The following UGT1A6 variants were observed in gnomAD, a reference collection of about 807,000 sequenced individuals.
UGT1A6 encodes UDP glucuronosyltransferase family 1 member A6.
A neutral mutation model predicts 44.4 loss-of-function variants in UGT1A6; 32 were observed. The observed-to-expected ratio is 0.72, with a 90% CI of 0.54 to 0.97. The LOEUF is 0.97. Ranked by LOEUF, UGT1A6 falls within the 50% of genes least tolerant of loss-of-function variation. The pLI, the probability that UGT1A6 is intolerant of heterozygous loss-of-function variation, is 0.00. For synonymous variants in UGT1A6, 238 were observed against 248.5 expected, an observed-to-expected ratio of 0.96 and a Z score of 0.40; for missense variants, 685 against 661.9, an observed-to-expected ratio of 1.03 and a Z score of -0.38.
chr2:233,712,339 T>C (rs545397552), intron 1 of UGT1A6, among the ~76,000 whole-genome samples: 1 of 152,174 alleles, frequency 6.6e-6, no homozygotes, highest in African/African-American at 2.4e-5. Context: ...AATCTGATCA[T>C]CACATCTTGA....
chr2:233,732,012 G>A (rs1045878291), intron 1 of UGT1A6, among the ~76,000 whole-genome samples: 10 of 152,206 alleles, frequency 6.6e-5, no homozygotes, highest in Non-Finnish European at 1.0e-4. Flanking sequence ...TTGTGGTTTT[G>A]ATTTGCATTT....
chr2:233,769,918 G>T lies in UGT1A6; in HGVS notation c.1301+1479G>T. ...TGAGCATCATGTGCCCAGAGCGTTG[G>T]GTGGTGTGGTCCCATTCCTTCCTTC... is the stretch of plus-strand genomic sequence containing the variant. On this transcript the variant is annotated intron_variant, in intron 4 of 4. Coordinates refer to ENST00000305139, the MANE Select transcript of UGT1A6 (RefSeq NM_001072.4). This position sits in a 1 kb window ranked among gnomAD's most constrained non-coding sequence, Gnocchi z 4.4. The T allele has an allele frequency of 3.5e-6, 1 of 286,558 alleles. No homozygotes were observed. The highest frequency in any genetic ancestry group is 6.5e-6 in the Non-Finnish European group (1 of 153,120). 17.8% of individuals were successfully genotyped at this position (286,558 alleles called of 1,614,324 possible). A position where few individuals can be genotyped will look rare whatever the true frequency, so the allele number is the denominator to read the frequency against.
intron 1 of UGT1A6, among the ~76,000 whole-genome samples, chr2:233,708,286 T>A (rs2125610813): frequency 6.6e-6 from 1 of 152,362 alleles, no homozygotes; most frequent in South Asian, 2.1e-4. Flanking sequence ...TATCATCAAA[T>A]GCTTTCAGTT....
intron 1 of UGT1A6, among the ~76,000 whole-genome samples, chr2:233,738,304 T>C (rs762666670): frequency 6.6e-6 from 1 of 152,228 alleles, no homozygotes; most frequent in Non-Finnish European, 1.5e-5. Flanking sequence ...GGTATGTCTT[T>C]ATAGCAGTGT....
Position 233,768,343 on chromosome 2 carries a change from G to T in UGT1A6, c.1205G>T (p.Arg402Leu), listed in dbSNP as rs140613392. 1.2e-6 allele frequency: 2 copies of T among 1,614,170 alleles called. No homozygotes were observed. The highest frequency in any genetic ancestry group is 1.7e-6 in the Non-Finnish European group (2 of 1,180,042). ...LFGDQMDNAK[R>L]METKGAGVTL... is the part of the protein sequence containing the mutation. ...GGTGATCAGATGGACAATGCAAAGC[G>T]CATGGAGACTAAGGGAGCTGGAGTG... The change falls in exon 4 of 5, where the codon CGC becomes CTC. Residue 402 changes from arginine to leucine, a missense_variant. Coordinates refer to ENST00000305139, the MANE Select transcript of UGT1A6 (RefSeq NM_001072.4).
chr2:233,732,557 T>C (rs1353780891), intron 1 of UGT1A6, among the ~76,000 whole-genome samples: 4 of 152,228 alleles, frequency 2.6e-5, no homozygotes, highest in Non-Finnish European at 5.9e-5. Flanking sequence ...ATTTATTAAA[T>C]AAGGAATCCT....
chr2:233,719,813 A>T, intron 1 of UGT1A6: 2 of 1,586,286 alleles, frequency 1.3e-6, no homozygotes, highest in Non-Finnish European at 1.7e-6. Flanking sequence ...TCTTTATAAC[A>T]GATAAACTGT....
At chr2:233,730,362 G>A (rs1205514330) in intron 1 of UGT1A6, among the ~76,000 whole-genome samples, 3 of 152,178 alleles carry the variant, frequency 2.0e-5, no homozygotes, top group Non-Finnish European at 4.4e-5. Context: ...TTTTTTGCTA[G>A]CATGATTTTC....
At chr2:233,756,421 TG>T (rs1436391565) in intron 1 of UGT1A6, 1 of 152,148 alleles carries the variant, frequency 6.6e-6, no homozygotes, top group African/African-American at 2.4e-5. Flanking sequence ...TTATTTGTAC[TG>T]TTTTTTTTTC....
Position 233,755,903 on chromosome 2 carries a change from T to G in UGT1A6, c.862-11131T>G, listed in dbSNP as rs537567684. ...TTATGTAACTTTTTTTGAGACAAAATGTAGTGAGAAGAGTGGCATCGTTTT... is the reference window on the plus strand; with the variant it reads ...TTATGTAACTTTTTTTGAGACAAAAGGTAGTGAGAAGAGTGGCATCGTTTT... On this transcript the variant is annotated intron_variant, in intron 1 of 4. Transcript: ENST00000305139. 8 of 152,096 alleles carry G rather than the reference T, an allele frequency of 5.3e-5. No individual in the cohort carries two copies. The South Asian group carries it at 1.7e-3, about 32-fold the overall frequency. 9.4% of individuals were successfully genotyped at this position (152,096 alleles called of 1,614,324 possible). A position where few individuals can be genotyped will look rare whatever the true frequency, so the allele number is the denominator to read the frequency against.
At chr2:233,745,794 G>T (rs1343106553) in intron 1 of UGT1A6, among the ~76,000 whole-genome samples, 1 of 150,980 alleles carries the variant, frequency 6.6e-6, no homozygotes, top group Non-Finnish European at 1.5e-5. Context: ...GGGGGCTGGG[G>T]TCTATCCCAG....
chr2:233,718,825 C>T (rs771343471), intron 1 of UGT1A6: 9 of 1,613,344 alleles, frequency 5.6e-6, no homozygotes, highest in African/African-American at 5.3e-5. Context: ...GCTGAGATGG[C>T]CAGAGGACTC....
intron 1 of UGT1A6, among the ~76,000 whole-genome samples, chr2:233,764,915 C>A (rs892234743): frequency 6.6e-6 from 1 of 152,136 alleles, no homozygotes; most frequent in Non-Finnish European, 1.5e-5. Context: ...AGAGGACTCA[C>A]GAGGGCCTGG....
rs3892170 is a variant in UGT1A6 at position 233,713,766 on chromosome 2, G to C, written c.861+19901G>C. ...CCATGCATCTGTGTGGCTGTTCCGA[G>C]GGGACTTTGTGATGGATTACCCCAG... is the stretch of plus-strand genomic sequence containing the variant. On this transcript the variant is annotated intron_variant, in intron 1 of 4. Transcript: ENST00000305139. The C allele has an allele frequency of 0.091, 144,162 of 1,587,116 alleles. 8,641 individuals are homozygous for C. Among genetic ancestry groups the C allele is most frequent in the South Asian group, 0.18 (15,878 of 87,328 alleles).
chr2:233,715,167 C>G (rs767247099), intron 1 of UGT1A6, among the ~76,000 whole-genome samples: 1 of 152,042 alleles, frequency 6.6e-6, no homozygotes, highest in Non-Finnish European at 1.5e-5. Flanking sequence ...ATTACAGGCG[C>G]GAGCCACCAC....
At chr2:233,746,652 G>C (rs889917694) in intron 1 of UGT1A6, among the ~76,000 whole-genome samples, 17 of 151,768 alleles carry the variant, frequency 1.1e-4, no homozygotes, top group African/African-American at 3.7e-4. Context: ...TTGGCTTTCT[G>C]TCCCGAGTTC....
intron 1 of UGT1A6, chr2:233,760,236 A>ATC: frequency 8.2e-6 from 13 of 1,590,176 alleles, no homozygotes; most frequent in Non-Finnish European, 1.1e-5. Context: ...TTTTTGCCAT[A>ATC]TATATATATA....
In UGT1A6 at chr2:233,743,883, G is replaced by A. The variant is rs373345166; in HGVS notation, c.862-23151G>A. 1.0e-5 allele frequency: 14 copies of A among 1,366,944 alleles called. No individual in the cohort carries two copies. In the East Asian group the frequency reaches 1.4e-4, roughly 13 times the overall value. 84.7% of individuals were successfully genotyped at this position (1,366,944 alleles called of 1,614,324 possible). On this transcript the variant is annotated intron_variant, in intron 1 of 4. Transcript: ENST00000305139. ...TTGATGGCCTCGGATGAGGCCTGCC[G>A]GGGCACGTCCAGCACCTCGTAGTAG...
chr2:233,708,055 C>T (rs77717552), intron 1 of UGT1A6, among the ~76,000 whole-genome samples: 1 of 152,108 alleles, frequency 6.6e-6, no homozygotes, highest in African/African-American at 2.4e-5. Flanking sequence ...AATATCTTCC[C>T]CCACTCTGCA....
Sources: allele counts gnomAD v4.1 joint callset (sites outside exome capture counted in the v4.1 genomes callset), GRCh38; gene constraint gnomAD v4.1.1; non-coding constraint Gnocchi (gnomAD v3.1); transcripts MANE v1.5; gene names NCBI Gene and HGNC (gene_info 2026-07-23, HGNC 2026-07-21).